The following FAM174C variants were observed in gnomAD, a reference collection of about 807,000 sequenced individuals.
FAM174C encodes protein FAM174C.
A neutral mutation model predicts 12.3 loss-of-function variants in FAM174C; 19 were observed. The ratio of observed to expected loss-of-function variants is 1.55; its 90% CI spans 1.08 to 2.27. The LOEUF is 2.27. Ranked by LOEUF, FAM174C falls within the 30% of genes most tolerant of loss-of-function variation. The probability of loss-of-function intolerance (pLI) is 0.00; values close to 1 mark genes in which losing one functional copy is unlikely to be tolerated. For synonymous variants in FAM174C, 147 were observed against 103.5 expected (o/e 1.42, Z -2.55); for missense variants, 239 against 190.2 (o/e 1.26, Z -1.51).
rs2081408174 is a variant in FAM174C, at chr19:1,275,604, C to T, written c.55C>T (p.Leu19=). ...PLLLLLLALL[L]AALPCGAEEA... ...GCTGCTGCTCCTGCTGGCGCTGCTG[C>T]TGGCGGCGCTGCCGTGCGGTGCCGA... is the stretch of plus-strand genomic sequence containing the variant. Residue 19 remains leucine (L), a synonymous_variant, in exon 1 of 3, where the codon CTG becomes TTG. Coordinates refer to ENST00000409293, the MANE Select transcript of FAM174C (RefSeq NM_017914.4). 3 of 1,252,572 alleles carry T rather than the reference C, an allele frequency of 2.4e-6. No homozygotes were observed. The highest frequency in any genetic ancestry group is 3.0e-6 in the Non-Finnish European group (3 of 1,001,524). 77.6% of individuals were successfully genotyped at this position (1,252,572 alleles called of 1,614,324 possible).
chr19:1,278,934 C>T lies in FAM174C; in HGVS notation c.*157C>T, dbSNP rs377660220. 2 of 1,613,144 alleles carry T rather than the reference C, an allele frequency of 1.2e-6. No homozygotes were observed. Among genetic ancestry groups the T allele is most frequent in the African/African-American group, 1.3e-5 (1 of 75,044 alleles). The stretch of plus-strand genomic sequence containing the variant: ...GCCAACCCGAGAGCTCCTTTTGGAA[C>T]CTGCACAGCCCGCCGACCTGTTGCC... On this transcript the variant is annotated 3_prime_UTR_variant, in exon 3 of 3. Coordinates refer to ENST00000409293, the MANE Select transcript of FAM174C (RefSeq NM_017914.4).
intron 1 of FAM174C, chr19:1,276,610 G>C (rs2081416528): frequency 6.6e-6 from 1 of 152,420 alleles, no homozygotes; most frequent in Non-Finnish European, 1.5e-5. Flanking sequence ...ACCCGCGCTG[G>C]TCTGAACTCC....
At position 1,277,213 on chromosome 19, in the gene FAM174C, C is replaced by G; in HGVS notation, c.312C>G (p.Gly104=). The G allele has an allele frequency of 6.5e-7, 1 of 1,547,382 alleles. No individual in the cohort carries two copies. Among genetic ancestry groups the G allele is most frequent in the East Asian group, 2.5e-5 (1 of 40,800 alleles). Residue 104 remains glycine, a synonymous_variant, in exon 2 of 3, where the codon GGC becomes GGG. Transcript: ENST00000409293. ...RLKKPQRRRY[G]LLANTEDPTE... Reference sequence around the variant, plus strand: ...AGAAGCCTCAGCGGAGGCGATACGGCCTCCTCGCCAACACTGAGGACCCCA... The same window carrying G: ...AGAAGCCTCAGCGGAGGCGATACGGGCTCCTCGCCAACACTGAGGACCCCA...
At chr19:1,278,734 G>A (rs1195733470) in intron 2 of FAM174C, 43 bp from the exon 3 acceptor site, 2 of 1,609,364 alleles carry the variant, frequency 1.2e-6, no homozygotes, top group Non-Finnish European at 1.7e-6. Flanking sequence ...GGCAGGGCGG[G>A]CCCTTCACTC....
At chr19:1,277,507 T>C (rs2081420833) in intron 2 of FAM174C, among the ~76,000 whole-genome samples, 1 of 152,154 alleles carries the variant, frequency 6.6e-6, no homozygotes, top group Non-Finnish European at 1.5e-5. Context: ...TGTTTGTCAT[T>C]TATTTATTTT....
In FAM174C at chr19:1,278,868, C is replaced by T. The variant is rs375447420; in HGVS notation, c.*91C>T. The T allele has an allele frequency of 9.9e-6, 16 of 1,612,934 alleles. No homozygotes were observed. The African/African-American group carries it at 1.2e-4, about 12-fold the overall frequency. ...AGTGCCCAGCAACCCCCTGCTCCAC[C>T]GCTCATTCCCCTGCTGGCCCCGGGG... On this transcript the variant is annotated 3_prime_UTR_variant, in exon 3 of 3. Coordinates refer to ENST00000409293, the MANE Select transcript of FAM174C (RefSeq NM_017914.4).
chr19:1,276,905 C>T (rs552414360), intron 1 of FAM174C: 2 of 259,096 alleles, frequency 7.7e-6, no homozygotes, highest in Admixed American at 5.2e-5. Flanking sequence ...GTCTTTTCAT[C>T]AGTGCAATGG....
chr19:1,279,047 C>T lies in FAM174C; in HGVS notation c.*270C>T. On this transcript the variant is annotated 3_prime_UTR_variant, in exon 3 of 3. Coordinates refer to ENST00000409293, the MANE Select transcript of FAM174C (RefSeq NM_017914.4). ...GGTCCCAGGTGAAGACTGGAGGGAC[C>T]CCAACAGCCACCGCCCAGGACGCTG... The T allele has an allele frequency of 6.2e-7, 1 of 1,611,780 alleles. No homozygotes were observed. The highest frequency in any genetic ancestry group is 1.3e-5 in the African/African-American group (1 of 75,054).
At position 1,275,639 on chromosome 19, in the gene FAM174C, G is replaced by C; in HGVS notation, c.90G>C (p.Ser30=). The C allele has an allele frequency of 7.3e-7, 1 of 1,378,338 alleles. No individual in the cohort carries two copies. The highest frequency in any genetic ancestry group is 9.3e-7 in the Non-Finnish European group (1 of 1,077,074). 85.4% of individuals were successfully genotyped at this position (1,378,338 alleles called of 1,614,324 possible). A position where few individuals can be genotyped will look rare whatever the true frequency, so the allele number is the denominator to read the frequency against. Residue 30 remains serine (S), a synonymous_variant, in exon 1 of 3, where the codon TCG becomes TCC. Transcript: ENST00000409293. ...AALPCGAEEA[S]PLRPAQVTLS... Reference sequence around the variant, plus strand: ...TGCCGTGCGGTGCCGAAGAGGCCTCGCCGCTGCGCCCCGCGCAGGTCACGT... The same window carrying C: ...TGCCGTGCGGTGCCGAAGAGGCCTCCCCGCTGCGCCCCGCGCAGGTCACGT...
Position 1,278,850 on chromosome 19 carries a change from AGCAACCCCCT to A in FAM174C, c.*76_*85del. 4 of 1,612,944 alleles carry A rather than the reference AGCAACCCCCT, an allele frequency of 2.5e-6. No individual in the cohort carries two copies. The highest frequency in any genetic ancestry group is 3.4e-6 in the Non-Finnish European group (4 of 1,179,802). On this transcript the variant is annotated 3_prime_UTR_variant, in exon 3 of 3. Transcript: ENST00000409293. ...GGAGATGGGGCCCACCCCAGTGCCC[AGCAACCCCCT>A]GCTCCACCGCTCATTCCCCTGCTGG...
At chr19:1,278,682 A>G in intron 2 of FAM174C, 95 bp from the exon 3 acceptor site, 1 of 1,567,970 alleles carries the variant, frequency 6.4e-7, no homozygotes, top group Non-Finnish European at 8.6e-7. Context: ...AGGGGCCTGG[A>G]CAGGCTGCCT....
chr19:1,275,783 G>C lies in FAM174C; in HGVS notation c.234G>C (p.Leu78=). ...TGACGCGCTCCTTCTACGTGATCCT[G>C]GGCTTCTGCGGCCTGACCGCGCTCT... ...SALTRSFYVI[L]GFCGLTALYF... Residue 78 remains leucine, a synonymous_variant, in exon 1 of 3, where the codon CTG becomes CTC. Transcript: ENST00000409293. 1 of 1,539,530 alleles carries C rather than the reference G, an allele frequency of 6.5e-7. No individual in the cohort carries two copies. Among genetic ancestry groups the C allele is most frequent in the Non-Finnish European group, 8.7e-7 (1 of 1,146,362 alleles).
intron 1 of FAM174C, chr19:1,276,188 T>C (rs1163278932): frequency 1.1e-5 from 3 of 278,016 alleles, no homozygotes; most frequent in African/African-American, 2.3e-5. Context: ...TGTCGCCGGA[T>C]GCCCGTCCTC....
Position 1,277,098 on chromosome 19 carries a change from A to G in FAM174C, c.282-85A>G, listed in dbSNP as rs964796581. The G allele has an allele frequency of 2.0e-6, 3 of 1,476,978 alleles. No homozygotes were observed. In the African/African-American group the frequency reaches 4.2e-5, roughly 21 times the overall value. 91.5% of individuals were successfully genotyped at this position (1,476,978 alleles called of 1,614,324 possible). On this transcript the variant is annotated intron_variant, in intron 1 of 2. Transcript: ENST00000409293. ...CTGCAGCAGGGCTCGGGGCTCCAGT[A>G]GAGGACGGCAATGAGAGTCCTGAGG...
In FAM174C at chr19:1,279,089, C is replaced by T; in HGVS notation, c.*312C>T. The stretch of plus-strand genomic sequence containing the variant: ...AGGACGCTGAGGCTCCCTTGCCTGA[C>T]TGTGACTTGTGCCTCTCTCCTGCCC... On this transcript the variant is annotated 3_prime_UTR_variant, in exon 3 of 3. Coordinates refer to ENST00000409293, the MANE Select transcript of FAM174C (RefSeq NM_017914.4). 1 of 1,612,686 alleles carries T rather than the reference C, an allele frequency of 6.2e-7. No individual in the cohort carries two copies. The highest frequency in any genetic ancestry group is 8.5e-7 in the Non-Finnish European group (1 of 1,179,988).
In FAM174C at chr19:1,275,697, C is replaced by T. The variant is rs778213742; in HGVS notation, c.148C>T (p.Gln50Ter). Reference protein sequence around the residue: ...SPPPAVTNGSQPGAPHNSTHT... With the variant: ...SPPPAVTNGS ...GCCGCCGGCCGTGACGAACGGGAGC[C>T]AGCCGGGCGCGCCACACAACAGCAC... The change falls in exon 1 of 3, where the codon CAG becomes TAG. Residue 50 changes from glutamine (Q) to a stop codon, truncating the protein, a stop_gained. Coordinates refer to ENST00000409293, the MANE Select transcript of FAM174C (RefSeq NM_017914.4). LOFTEE classifies it high-confidence loss of function. The T allele has an allele frequency of 2.0e-6, 3 of 1,485,502 alleles. No individual in the cohort carries two copies. The highest frequency in any genetic ancestry group is 2.5e-5 in the Admixed American group (1 of 40,600). The allele number at this position is 1,485,502 out of a possible 1,614,324, so 92.0% of individuals were successfully genotyped here.
intron 2 of FAM174C, among the ~76,000 whole-genome samples, chr19:1,278,413 T>C (rs1007435327): frequency 7.9e-5 from 12 of 151,712 alleles, no homozygotes; most frequent in African/African-American, 2.9e-4. Context: ...GGGGGGACCT[T>C]GGCCTGTTGG....
chr19:1,277,798 G>C (rs2081421955), intron 2 of FAM174C: 1 of 155,824 alleles, frequency 6.4e-6, no homozygotes, highest in Non-Finnish European at 1.4e-5. Flanking sequence ...TTTTGAGATG[G>C]AGTTTCGCTC....
Position 1,279,187 on chromosome 19 carries a change from T to G in FAM174C, c.*410T>G, listed in dbSNP as rs1402382409. 1 of 1,612,104 alleles carries G rather than the reference T, an allele frequency of 6.2e-7. No homozygotes were observed. The highest frequency in any genetic ancestry group is 1.3e-5 in the African/African-American group (1 of 75,036). The stretch of plus-strand genomic sequence containing the variant: ...CCAAGGAACCTTTCTGGGAACACCT[T>G]CTCGCCGGGCTGGGAACAATAAATG... On this transcript the variant is annotated 3_prime_UTR_variant, in exon 3 of 3. Transcript: ENST00000409293.
Sources: gnomAD v4.1 joint callset for allele counts (sites outside exome capture counted in the v4.1 genomes callset) on GRCh38, gnomAD v4.1.1 for gene constraint, MANE v1.5 for transcripts, NCBI Gene and HGNC (gene_info 2026-07-23, HGNC 2026-07-21) for gene names.